The following VRK2 variants were observed in gnomAD, a reference collection of about 807,000 sequenced individuals.
VRK2 encodes VRK serine/threonine kinase 2, also known as serine/threonine-protein kinase VRK2.
A neutral mutation model predicts 57.6 loss-of-function variants in VRK2; 60 were observed. The observed-to-expected ratio is 1.04, with a 90% CI of 0.85 to 1.29. The LOEUF (loss-of-function observed/expected upper bound fraction) is 1.29. Among genes scored for constraint, VRK2 ranks in the 50% most tolerant of loss-of-function variants. The pLI is 0.00. For missense variants in VRK2, 705 were observed against 588.1 expected, an observed-to-expected ratio of 1.20 and a Z score of -2.06; for synonymous variants, 231 against 199.2, an observed-to-expected ratio of 1.16 and a Z score of -1.35.
chr2:58,145,280 T>G (rs921151527), intron 11 of VRK2, among the ~76,000 whole-genome samples: 2 of 152,036 alleles, frequency 1.3e-5, no homozygotes, highest in Non-Finnish European at 2.9e-5. Context: ...GCAAGCTTGT[T>G]GTAGAAGAAC....
rs377733358 is a variant in VRK2, at chr2:58,059,566, C to G, written c.136+10599C>G. 3.2e-4 allele frequency among the ~76,000 whole-genome samples: 48 copies of G among 151,852 alleles called. No homozygotes were observed. The South Asian group carries it at 9.3e-3, about 30-fold the overall frequency. On this transcript the variant is annotated intron_variant, in intron 2 of 12. Coordinates refer to ENST00000340157, the MANE Select transcript of VRK2 (RefSeq NM_006296.7). ...CTTAAGATAAATAGGATCGTGTTAA[C>G]ATATCCCTTTATGGAATTTGTTTCA...
chr2:57,944,373 G>A (rs1237075913), intron 1 of VRK2, among the ~76,000 whole-genome samples: 1 of 152,176 alleles, frequency 6.6e-6, no homozygotes, highest in Non-Finnish European at 1.5e-5. Context: ...AGCTATGGAT[G>A]GACAAAGAAT....
chr2:58,107,183 T>C (rs1041221152), intron 7 of VRK2, among the ~76,000 whole-genome samples: 3 of 152,170 alleles, frequency 2.0e-5, no homozygotes, highest in Admixed American at 2.0e-4. Context: ...GAAAATATTA[T>C]TCCCTATTCA....
chr2:57,983,269 C>G (rs965790059), intron 1 of VRK2, among the ~76,000 whole-genome samples: 1 of 152,142 alleles, frequency 6.6e-6, no homozygotes, highest in Non-Finnish European at 1.5e-5. Context: ...AACAATACTG[C>G]ATTTCTTTAA....
At chr2:58,063,467 T>G (rs1242608820) in intron 2 of VRK2, among the ~76,000 whole-genome samples, 1 of 152,064 alleles carries the variant, frequency 6.6e-6, no homozygotes, top group Admixed American at 6.6e-5. Flanking sequence ...TATGGTTGTA[T>G]GCATGTAACA....
At chr2:57,922,966 T>C (rs1312571046) in intron 1 of VRK2, among the ~76,000 whole-genome samples, 1 of 152,050 alleles carries the variant, frequency 6.6e-6, no homozygotes, top group African/African-American at 2.4e-5. Flanking sequence ...AGTGAGAATA[T>C]GAGAAGTTTG....
chr2:58,052,479 G>T (rs1675896331), intron 2 of VRK2, among the ~76,000 whole-genome samples: 1 of 151,780 alleles, frequency 6.6e-6, no homozygotes, highest in South Asian at 2.1e-4. Flanking sequence ...TAATGTGTGT[G>T]TGTAGTCCCA....
Position 58,084,114 on chromosome 2 carries a change from A to G in VRK2, c.162A>G (p.Lys54=). The part of the protein sequence containing the change: ...YLAFPTNKPE[K]DARHVVKVEY... ...CTTTCCCCACAAATAAACCAGAGAA[A>G]GATGCAAGACATGTAGTAAAAGTGG... Residue 54 remains lysine, a synonymous_variant, in exon 3 of 13, where the codon AAA becomes AAG. Transcript: ENST00000340157. 6.2e-7 allele frequency: 1 copy of G among 1,607,130 alleles called. No homozygotes were observed. The highest frequency in any genetic ancestry group is 8.5e-7 in the Non-Finnish European group (1 of 1,175,856).
At chr2:58,051,124 C>T (rs766581588) in intron 2 of VRK2, among the ~76,000 whole-genome samples, 6 of 152,214 alleles carry the variant, frequency 3.9e-5, no homozygotes, top group Non-Finnish European at 7.3e-5. Context: ...GGATTACAGA[C>T]GTGAGCCACT....
chr2:57,986,805 G>A (rs921190414), intron 1 of VRK2, among the ~76,000 whole-genome samples: 3 of 151,948 alleles, frequency 2.0e-5, no homozygotes, highest in African/African-American at 4.8e-5. Flanking sequence ...TACCATGTTG[G>A]CCAGGCTGGT....
intron 1 of VRK2, among the ~76,000 whole-genome samples, chr2:57,931,525 A>T (rs1670724055): frequency 6.6e-6 from 1 of 152,108 alleles, no homozygotes; most frequent in African/African-American, 2.4e-5. Context: ...TTAACCCCAT[A>T]TCAGGTATAC....
chr2:57,983,589 A>G (rs1353795869), intron 1 of VRK2, among the ~76,000 whole-genome samples: 1 of 152,236 alleles, frequency 6.6e-6, no homozygotes, highest in African/African-American at 2.4e-5. Flanking sequence ...TTCTAGATCG[A>G]AAGTATTTGC....
chr2:58,034,606 T>G (rs993389917), intron 3 of VRK2, among the ~76,000 whole-genome samples: 2 of 151,952 alleles, frequency 1.3e-5, no homozygotes, highest in African/African-American at 4.8e-5. Context: ...AAAGAATATA[T>G]GAGTGAGTGA....
chr2:57,986,746 G>A (rs139781972), intron 1 of VRK2, among the ~76,000 whole-genome samples: 1,764 of 151,830 alleles, frequency 0.012, 37 homozygotes, highest in African/African-American at 0.04. Flanking sequence ...TTACAGGTGC[G>A]CACCACCACA....
At chr2:57,925,518 C>T (rs556960022) in intron 1 of VRK2, among the ~76,000 whole-genome samples, 2 of 152,038 alleles carry the variant, frequency 1.3e-5, no homozygotes, top group East Asian at 3.9e-4. Context: ...AATGATCCTG[C>T]AAATTTCTGT....
chr2:57,981,125 A>C (rs1303406870), intron 1 of VRK2, among the ~76,000 whole-genome samples: 1 of 152,180 alleles, frequency 6.6e-6, no homozygotes, highest in African/African-American at 2.4e-5. Flanking sequence ...GTTGCTTTAT[A>C]ATGTCAGTGG....
chr2:57,946,567 C>G (rs757395096), intron 1 of VRK2, among the ~76,000 whole-genome samples: 5 of 152,066 alleles, frequency 3.3e-5, no homozygotes, highest in Non-Finnish European at 5.9e-5. Context: ...AGAAATTACA[C>G]TTATTGATTT....
chr2:58,025,095 T>C (rs1157130261), intron 1 of VRK2, among the ~76,000 whole-genome samples: 1 of 152,170 alleles, frequency 6.6e-6, no homozygotes, highest in Non-Finnish European at 1.5e-5. Context: ...CTGAACACCA[T>C]ATGCAGTTTA....
At chr2:57,989,364 A>G (rs73942263) in intron 1 of VRK2, among the ~76,000 whole-genome samples, 4,124 of 152,328 alleles carry the variant, frequency 0.027, 186 homozygotes, top group African/African-American at 0.095. Flanking sequence ...TCACAGCAAT[A>G]TTTCTTAATA....
Sources: gnomAD v4.1 joint callset for allele counts (sites outside exome capture counted in the v4.1 genomes callset) on GRCh38, gnomAD v4.1.1 for gene constraint, MANE v1.5 for transcripts, NCBI Gene and HGNC (gene_info 2026-07-23, HGNC 2026-07-21) for gene names.